The following SLC35D4 variants were observed in gnomAD, a reference collection of about 807,000 sequenced individuals.
SLC35D4 encodes solute carrier family 35 member D4.
chr18:23,368,856 T>C, the SLC35D4 span: 1 of 725,244 alleles, frequency 1.4e-6, no homozygotes, highest in Non-Finnish European at 2.2e-6. Context: ...AGTTACTACT[T>C]TTATAAATTA....
chr18:23,255,569 T>G, the SLC35D4 span, among the ~76,000 whole-genome samples: 1 of 150,928 alleles, frequency 6.6e-6, no homozygotes, highest in Non-Finnish European at 1.5e-5. Flanking sequence ...TTTTTTTTTT[T>G]TTTTTTTTGA....
the SLC35D4 span, among the ~76,000 whole-genome samples, chr18:23,245,354 C>CA: frequency 5.3e-5 from 8 of 151,522 alleles, no homozygotes; most frequent in South Asian, 2.1e-4. Context: ...CCAAAAAATA[C>CA]AAAAAAAATA....
At chr18:23,321,382 G>A in the SLC35D4 span, among the ~76,000 whole-genome samples, 28 of 152,180 alleles carry the variant, frequency 1.8e-4, no homozygotes, top group South Asian at 8.3e-4. Flanking sequence ...GATGGTCTAA[G>A]CTACTGGTTT....
chr18:23,313,035 G>A, the SLC35D4 span, among the ~76,000 whole-genome samples: 1 of 146,050 alleles, frequency 6.8e-6, no homozygotes, highest in Non-Finnish European at 1.5e-5. Context: ...GCTGAGGCAG[G>A]AGAATCGCTG....
the SLC35D4 span, among the ~76,000 whole-genome samples, chr18:23,263,362 G>A: frequency 6.6e-6 from 1 of 152,216 alleles, no homozygotes; most frequent in Non-Finnish European, 1.5e-5. Flanking sequence ...TCCCTGCAGA[G>A]GAGAAGGGAT....
chr18:23,333,059 C>T, the SLC35D4 span, among the ~76,000 whole-genome samples: 15 of 151,292 alleles, frequency 9.9e-5, no homozygotes, highest in Non-Finnish European at 1.5e-4. Flanking sequence ...TTGCACAAAG[C>T]AATATGAAAA....
the SLC35D4 span, among the ~76,000 whole-genome samples, chr18:23,383,670 G>A: frequency 1.3e-5 from 2 of 152,054 alleles, no homozygotes; most frequent in African/African-American, 2.4e-5. Context: ...TTTCCCGTGC[G>A]AGGGATGGTT....
chr18:23,399,643 G>A, the SLC35D4 span: 1 of 1,613,656 alleles, frequency 6.2e-7, no homozygotes. Flanking sequence ...ACAAGAACAT[G>A]AGATCTGAAA....
chr18:23,329,183 A>G, the SLC35D4 span, among the ~76,000 whole-genome samples: 3 of 152,250 alleles, frequency 2.0e-5, no homozygotes, highest in South Asian at 6.2e-4. Flanking sequence ...AAGCAATGGC[A>G]GCAAAAGCCA....
At chr18:23,372,072 A>G in the SLC35D4 span, among the ~76,000 whole-genome samples, 3 of 145,368 alleles carry the variant, frequency 2.1e-5, no homozygotes, top group Non-Finnish European at 4.5e-5. Context: ...AGTAGCTGGG[A>G]CTACAGGCGC....
At chr18:23,431,933 G>C in the SLC35D4 span, among the ~76,000 whole-genome samples, 1 of 152,076 alleles carries the variant, frequency 6.6e-6, no homozygotes, top group Non-Finnish European at 1.5e-5. Flanking sequence ...ACTGGTGCTG[G>C]GCAAGTTTAT....
chr18:23,363,670 G>A, the SLC35D4 span, among the ~76,000 whole-genome samples: 14 of 152,180 alleles, frequency 9.2e-5, no homozygotes, highest in South Asian at 4.2e-4. Context: ...CACCACGCCC[G>A]GCTGACAAAA....
At chr18:23,415,833 C>A in the SLC35D4 span, among the ~76,000 whole-genome samples, 1 of 152,314 alleles carries the variant, frequency 6.6e-6, no homozygotes, top group Admixed American at 6.5e-5. Context: ...AGGCAAACAC[C>A]TAGACAAGAG....
At chr18:23,268,320 G>C in the SLC35D4 span, among the ~76,000 whole-genome samples, 1 of 152,158 alleles carries the variant, frequency 6.6e-6, no homozygotes, top group Non-Finnish European at 1.5e-5. Context: ...AGTTTCCAGA[G>C]ACCAGTACTA....
At chr18:23,380,663 T>A in the SLC35D4 span, among the ~76,000 whole-genome samples, 1 of 152,238 alleles carries the variant, frequency 6.6e-6, no homozygotes, top group Non-Finnish European at 1.5e-5. Flanking sequence ...AGGTACTTGA[T>A]AAATCCTGAA....
chr18:23,255,409 A>G, the SLC35D4 span, among the ~76,000 whole-genome samples: 1 of 152,180 alleles, frequency 6.6e-6, no homozygotes, highest in African/African-American at 2.4e-5. Context: ...TGAAAAGAGT[A>G]TTTTTTAGGT....
At chr18:23,384,001 T>TGC in the SLC35D4 span, among the ~76,000 whole-genome samples, 1 of 37,440 alleles carries the variant, frequency 2.7e-5, no homozygotes, top group Admixed American at 3.4e-4. Flanking sequence ...TTCCAAAAAT[T>TGC]GGGGGGGGGG....
the SLC35D4 span, chr18:23,365,635 T>C: frequency 1.2e-6 from 2 of 1,613,500 alleles, no homozygotes; most frequent in Admixed American, 1.7e-5. Context: ...GGCATTTACC[T>C]GTGGGATGAG....
chr18:23,387,093 G>C, the SLC35D4 span, among the ~76,000 whole-genome samples: 1 of 152,066 alleles, frequency 6.6e-6, no homozygotes, highest in Non-Finnish European at 1.5e-5. Context: ...TATTTTTTTA[G>C]TAGAATCGGG....
Sources: allele counts gnomAD v4.1 joint callset (sites outside exome capture counted in the v4.1 genomes callset), GRCh38; gene constraint gnomAD v4.1.1; transcripts MANE v1.5; gene names NCBI Gene and HGNC (gene_info 2026-07-23, HGNC 2026-07-21).